NPR1: variants seen among roughly 807,000 people sequenced by gnomAD.
NPR1 encodes the protein atrial natriuretic peptide receptor 1.
Under a neutral mutation model 116.9 loss-of-function variants are expected in NPR1, and 57 were observed. The observed-to-expected ratio is 0.49, with a 90% CI of 0.39 to 0.61. NPR1 has a LOEUF of 0.61. NPR1 is among the 20% of genes least tolerant of loss of function. The pLI, the probability that NPR1 is intolerant of heterozygous loss-of-function variation, is 0.00. For synonymous variants in NPR1, 555 were observed against 601.6 expected (o/e 0.92, Z 1.13); for missense variants, 1,096 against 1,409.8 (o/e 0.78, Z 3.56).
rs202154149 is a variant in NPR1, at chr1:153,686,153, C to T, written c.1711C>T (p.Arg571Cys). 8.1e-6 allele frequency: 13 copies of T among 1,613,930 alleles called. No individual in the cohort carries two copies. Among genetic ancestry groups the T allele is most frequent in the Admixed American group, 1.7e-5 (1 of 59,968 alleles). ...CCTCGTGGCTGTGAAACGTGTGAAC[C>T]GTAAACGCATTGAGCTGACACGAAA... ...GNLVAVKRVN[R>C]KRIELTRKVL... The change falls in exon 10 of 22, where the codon CGT (arginine) becomes TGT (cysteine). Residue 571 changes from arginine to cysteine, a missense_variant. Coordinates refer to ENST00000368680, the MANE Select transcript of NPR1 (RefSeq NM_000906.4).
chr1:153,683,911 G>A (rs888327909), intron 7 of NPR1, 87 bp downstream of exon 7: 19 of 1,211,498 alleles, frequency 1.6e-5, no homozygotes, highest in Non-Finnish European at 2.3e-5. Flanking sequence ...GAGGGAAGAG[G>A]GCAGGGGTGA....
intron 20 of NPR1, 37 bp downstream of exon 20, chr1:153,690,419 G>A (rs1161536525): frequency 1.4e-6 from 2 of 1,475,450 alleles, no homozygotes; most frequent in African/African-American, 1.4e-5. Flanking sequence ...GGGGAGGGCA[G>A]GGTGGCTGAG....
chr1:153,682,279 T>C (rs2101730204), intron 4 of NPR1, among the ~76,000 whole-genome samples: 1 of 152,144 alleles, frequency 6.6e-6, no homozygotes, highest in African/African-American at 2.4e-5. Context: ...AGGCTGGTCT[T>C]GAACTCCTGA....
In NPR1 at chr1:153,683,528, T is replaced by G; in HGVS notation, c.1399+17T>G. ...GCAACCAAGGTGACTGCCCCTTGCCTTCCAGGCCTCCATCCCAGAGATGCT... is the reference window on the plus strand; with the variant it reads ...GCAACCAAGGTGACTGCCCCTTGCCGTCCAGGCCTCCATCCCAGAGATGCT... On this transcript the variant is annotated intron_variant, in intron 6 of 21. Coordinates refer to ENST00000368680, the MANE Select transcript of NPR1 (RefSeq NM_000906.4). 6.2e-7 allele frequency: 1 copy of G among 1,613,732 alleles called. No homozygotes were observed. The highest frequency in any genetic ancestry group is 8.5e-7 in the Non-Finnish European group (1 of 1,179,748).
rs767823426 is a variant in NPR1, at chr1:153,685,000, G to A, written c.1521G>A (p.Leu507=). The change falls in exon 8 of 22, where the codon CTG becomes CTA. Residue 507 remains leucine (L), a synonymous_variant. Coordinates refer to ENST00000368680, the MANE Select transcript of NPR1 (RefSeq NM_000906.4). ...TGGAGAAGGAACTGGCCTCGGAGCT[G>A]TGGCGGGTGCGCTGGGAGGACGTTG... ...MQLEKELASE[L]WRVRWEDVEP... 1 of 1,614,114 alleles carries A rather than the reference G, an allele frequency of 6.2e-7. No homozygotes were observed. The highest frequency in any genetic ancestry group is 1.1e-5 in the South Asian group (1 of 91,082).
chr1:153,679,547 G>T lies in NPR1; in HGVS notation c.439G>T (p.Gly147Cys), dbSNP rs1384450489. 1 of 1,545,258 alleles carries T rather than the reference G, an allele frequency of 6.5e-7. No homozygotes were observed. The highest frequency in any genetic ancestry group is 8.7e-7 in the Non-Finnish European group (1 of 1,150,380). ...CGCCGGCGCCCCGGCGCTGGGCTTCGGTGTCAAGGACGAGTATGCGCTGAC... is the reference window on the plus strand; with the variant it reads ...CGCCGGCGCCCCGGCGCTGGGCTTCTGTGTCAAGGACGAGTATGCGCTGAC... ...LTAGAPALGFGVKDEYALTTR... is the reference protein window; with the variant it reads ...LTAGAPALGFCVKDEYALTTR... The change falls in exon 1 of 22, where the codon GGT (glycine) becomes TGT (cysteine). Residue 147 changes from glycine (G) to cysteine (C), a missense_variant. Coordinates refer to ENST00000368680, the MANE Select transcript of NPR1 (RefSeq NM_000906.4). The surrounding 1 kb of genome is among the most constrained non-coding windows in gnomAD (Gnocchi z 4.2).
intron 4 of NPR1, 32 bp downstream of exon 4, chr1:153,681,871 C>G: frequency 6.2e-7 from 1 of 1,608,452 alleles, no homozygotes; most frequent in Non-Finnish European, 8.5e-7. Flanking sequence ...GAATGGGCTG[C>G]CTTGGGGGAT....
rs1229955414 is a variant in NPR1 at position 153,683,290 on chromosome 1, G to A, written c.1264-86G>A. ...ATATGTAGGCTCTAGAAGCAGAGCT[G>A]GGGTAGGTGGGAGGTGAGACTGCTG... On this transcript the variant is annotated intron_variant, in intron 5 of 21. Coordinates refer to ENST00000368680, the MANE Select transcript of NPR1 (RefSeq NM_000906.4). The A allele has an allele frequency of 5.5e-6, 8 of 1,466,296 alleles. No individual in the cohort carries two copies. In the East Asian group the frequency reaches 1.7e-4, roughly 31 times the overall value. 90.8% of individuals were successfully genotyped at this position (1,466,296 alleles called of 1,614,324 possible). A position where few individuals can be genotyped will look rare whatever the true frequency, so the allele number is the denominator to read the frequency against.
Position 153,678,788 on chromosome 1 carries a change from A to C in NPR1, c.-321A>C. On this transcript the variant is annotated 5_prime_UTR_variant, in exon 1 of 22. Transcript: ENST00000368680. The surrounding 1 kb of genome is among the most constrained non-coding windows in gnomAD (Gnocchi z 5.8). ...CCTTCTTCACGAAGCGCTCACTCGC[A>C]CCCTTTCTCTCTCTCTCTCTCTCTC... is the stretch of plus-strand genomic sequence containing the variant. 8.8e-6 allele frequency: 3 copies of C among 342,676 alleles called. No individual in the cohort carries two copies. The highest frequency in any genetic ancestry group is 8.9e-5 in the South Asian group (1 of 11,226). The allele number at this position is 342,676 out of a possible 1,614,324, so 21.2% of individuals were successfully genotyped here. A position where few individuals can be genotyped will look rare whatever the true frequency, so the allele number is the denominator to read the frequency against.
Position 153,687,244 on chromosome 1 carries a change from C to G in NPR1, c.1980C>G (p.Asn660Lys), listed in dbSNP as rs768486582. 2.5e-6 allele frequency: 4 copies of G among 1,614,136 alleles called. No homozygotes were observed. The highest frequency in any genetic ancestry group is 3.4e-6 in the Non-Finnish European group (4 of 1,180,000). ...LHNGAICSHG[N>K]LKSSNCVVDG... ...ATGGGGCTATCTGTTCCCATGGGAACCTCAAGTCATCCAACTGCGTGGTAG... is the reference window on the plus strand; with the variant it reads ...ATGGGGCTATCTGTTCCCATGGGAAGCTCAAGTCATCCAACTGCGTGGTAG... The change falls in exon 13 of 22, where the codon AAC becomes AAG. Residue 660 changes from asparagine (N) to lysine (K), a missense_variant. Physicochemically the swap from Asn to Lys is moderately conservative, Grantham distance 94. Coordinates refer to ENST00000368680, the MANE Select transcript of NPR1 (RefSeq NM_000906.4).
chr1:153,686,145 G>T lies in NPR1; in HGVS notation c.1703G>T (p.Arg568Leu), dbSNP rs750028514. Residue 568 changes from arginine to leucine, a missense_variant, in exon 10 of 22, where the codon CGT (arginine) becomes CTT (leucine). Arg to Leu is a moderately radical substitution (Grantham distance 102, BLOSUM62 -2). Transcript: ENST00000368680. ...CAGGGCAACCTCGTGGCTGTGAAAC[G>T]TGTGAACCGTAAACGCATTGAGCTG... ...YYKGNLVAVK[R>L]VNRKRIELTR... 1 of 1,614,120 alleles carries T rather than the reference G, an allele frequency of 6.2e-7. No homozygotes were observed. Among genetic ancestry groups the T allele is most frequent in the South Asian group, 1.1e-5 (1 of 91,050 alleles).
intron 15 of NPR1, among the ~76,000 whole-genome samples, chr1:153,688,552 C>G (rs1300139761): frequency 6.6e-6 from 1 of 152,120 alleles, no homozygotes; most frequent in Non-Finnish European, 1.5e-5. Flanking sequence ...AGGCTCTTGG[C>G]CCTCCACGGG....
intron 15 of NPR1, 94 bp from the exon 16 acceptor site, chr1:153,688,859 T>A (rs2101737838): frequency 1.3e-6 from 2 of 1,507,170 alleles, no homozygotes. Flanking sequence ...GAGACCTCAC[T>A]GCAGTCTGGA....
At chr1:153,683,906 A>G (rs1022884239) in intron 7 of NPR1, 82 bp downstream of exon 7, 67 of 1,271,608 alleles carry the variant, frequency 5.3e-5, no homozygotes, top group Admixed American at 3.2e-4. Context: ...ACCCAGAGGG[A>G]AGAGGGCAGG....
At chr1:153,680,108 C>T (rs1669721009) in intron 1 of NPR1, among the ~76,000 whole-genome samples, 1 of 151,654 alleles carries the variant, frequency 6.6e-6, no homozygotes, top group Admixed American at 6.6e-5. Context: ...TTCCCTCCCA[C>T]ATTTTCTCTC....
chr1:153,684,781 C>T (rs1376680153), intron 7 of NPR1, among the ~76,000 whole-genome samples, 183 bp from the exon 8 acceptor site: 2 of 152,126 alleles, frequency 1.3e-5, no homozygotes, highest in Non-Finnish European at 2.9e-5. Flanking sequence ...GAGGTGATTC[C>T]CCCAAGGTCC....
intron 5 of NPR1, 67 bp downstream of exon 5, chr1:153,682,656 A>C: frequency 4.2e-6 from 5 of 1,178,364 alleles, no homozygotes; most frequent in Non-Finnish European, 6.3e-6. Context: ...CTTCCCCCCC[A>C]CAGCCCTGCC....
chr1:153,678,757 T>A lies in NPR1; in HGVS notation c.-352T>A. On this transcript the variant is annotated 5_prime_UTR_variant, in exon 1 of 22. Coordinates refer to ENST00000368680, the MANE Select transcript of NPR1 (RefSeq NM_000906.4). The surrounding 1 kb of genome is among the most constrained non-coding windows in gnomAD (Gnocchi z 5.8). ...CCTCTTTCCTCCCTCGCGCGCCCTCTCTCATCCTTCTTCACGAAGCGCTCA... is the reference window on the plus strand; with the variant it reads ...CCTCTTTCCTCCCTCGCGCGCCCTCACTCATCCTTCTTCACGAAGCGCTCA... The A allele has an allele frequency of 3.2e-6, 1 of 307,780 alleles. No homozygotes were observed. The highest frequency in any genetic ancestry group is 5.9e-6 in the Non-Finnish European group (1 of 168,846). The allele number at this position is 307,780 out of a possible 1,614,324, so 19.1% of individuals were successfully genotyped here. A position where few individuals can be genotyped will look rare whatever the true frequency, so the allele number is the denominator to read the frequency against.
chr1:153,691,770 G>A (rs1193737193), intron 20 of NPR1, among the ~76,000 whole-genome samples: 4 of 151,822 alleles, frequency 2.6e-5, no homozygotes, highest in South Asian at 2.1e-4. Context: ...GTGGTGGCAC[G>A]TGCCCGTAAT....
Sources: gnomAD v4.1 joint callset for allele counts (sites outside exome capture counted in the v4.1 genomes callset) on GRCh38, gnomAD v4.1.1 for gene constraint, Gnocchi (gnomAD v3.1) non-coding constraint, MANE v1.5 for transcripts, NCBI Gene and HGNC (gene_info 2026-07-23, HGNC 2026-07-21) for gene names.